Variants in GLI3 observed in about 807,000 individuals in gnomAD.
GLI3 encodes GLI family zinc finger 3.
GLI3 carries 20 observed loss-of-function variants against 100.8 expected under a neutral mutation model. The observed-to-expected ratio is 0.20, with a 90% CI of 0.14 to 0.29. GLI3 has a LOEUF of 0.29. Among genes scored for constraint, GLI3 ranks in the 10% least tolerant of loss-of-function variants. The pLI, the probability that GLI3 is intolerant of heterozygous loss-of-function variation, is 1.00. For synonymous variants in GLI3, 938 were observed against 860.5 expected (o/e 1.09, Z -1.58); for missense variants, 2,040 against 2,128.5 (o/e 0.96, Z 0.82).
rs1786996205 is a variant in GLI3, at chr7:41,960,963, AT to A, written c.*3366del. On this transcript the variant is annotated 3_prime_UTR_variant, in exon 15 of 15. Transcript: ENST00000395925. Reference sequence around the variant, plus strand: ...CCCAATAAAAATTTCCATACAAAGAATTTTTTATTGACATTGTAAGAAACAT... The same window carrying A: ...CCCAATAAAAATTTCCATACAAAGAATTTTTATTGACATTGTAAGAAACAT... The A allele has an allele frequency of 6.6e-6, 1 of 152,608 alleles. No homozygotes were observed. The highest frequency in any genetic ancestry group is 6.5e-5 in the Admixed American group (1 of 15,290). 9.5% of individuals were successfully genotyped at this position (152,608 alleles called of 1,614,324 possible). A position where few individuals can be genotyped will look rare whatever the true frequency, so the allele number is the denominator to read the frequency against.
chr7:42,233,655 AG>A (rs1224347749), intron 1 of GLI3, among the ~76,000 whole-genome samples: 1 of 152,242 alleles, frequency 6.6e-6, no homozygotes, highest in Non-Finnish European at 1.5e-5. Context: ...ATCAAATAAA[AG>A]TAAAGATGAA....
chr7:42,193,933 A>G (rs556692878), intron 2 of GLI3, among the ~76,000 whole-genome samples: 1 of 152,298 alleles, frequency 6.6e-6, no homozygotes, highest in Admixed American at 6.5e-5. Flanking sequence ...ATACCGCTAA[A>G]GCTCCCCTCC....
At chr7:42,240,378 G>A (rs1225446593), upstream of GLI3, among the ~76,000 whole-genome samples, 1 of 152,178 alleles carries the variant, frequency 6.6e-6, no homozygotes, top group Non-Finnish European at 1.5e-5. Flanking sequence ...TGGTAACAAA[G>A]TACCAAAAAC....
At chr7:42,114,441 A>G (rs1296063127) in intron 3 of GLI3, among the ~76,000 whole-genome samples, 4 of 101,058 alleles carry the variant, frequency 4.0e-5, no homozygotes, top group East Asian at 4.0e-4. Flanking sequence ...TTGGCTTGGG[A>G]AAAAAAAAAA....
chr7:42,011,112 G>A (rs1408323918), intron 10 of GLI3, among the ~76,000 whole-genome samples: 2 of 152,204 alleles, frequency 1.3e-5, no homozygotes, highest in African/African-American at 2.4e-5. Flanking sequence ...TTGTTTAGGG[G>A]AAATGTGGCC....
chr7:42,030,706 T>G lies in GLI3; in HGVS notation c.1029-4294A>C, dbSNP rs565138569. ...TACTATTGTTGATTTGTTTTTTTTT[T>G]TTTTGTTTTTTTGTTTCTTGTTTTT... On this transcript the variant is annotated intron_variant, in intron 7 of 14. Coordinates refer to ENST00000395925, the MANE Select transcript of GLI3 (RefSeq NM_000168.6). Among the ~76,000 whole-genome samples, 35 of 151,724 alleles carry G rather than the reference T, an allele frequency of 2.3e-4. 1 individual carries two copies. The highest frequency in any genetic ancestry group is 3.4e-3 in the Middle Eastern group (1 of 294).
intron 10 of GLI3, among the ~76,000 whole-genome samples, chr7:42,020,538 G>A (rs1020425311): frequency 3.9e-5 from 6 of 152,122 alleles, no homozygotes; most frequent in Admixed American, 3.9e-4. Context: ...AATGGGTCAC[G>A]GCTATAAATA....
chr7:42,165,435 A>T (rs577410767), intron 2 of GLI3, among the ~76,000 whole-genome samples: 26 of 152,260 alleles, frequency 1.7e-4, no homozygotes, highest in Admixed American at 1.5e-3. Flanking sequence ...TTTTTAAAAT[A>T]CCCCCTTAGA....
At chr7:42,177,463 G>A (rs950144868) in intron 2 of GLI3, among the ~76,000 whole-genome samples, 1 of 152,168 alleles carries the variant, frequency 6.6e-6, no homozygotes, top group African/African-American at 2.4e-5. Context: ...TTAAAGGTGA[G>A]GAAAATGAAG....
At chr7:42,241,419 T>TGCCA (rs1269217926), upstream of GLI3, among the ~76,000 whole-genome samples, 11 of 152,108 alleles carry the variant, frequency 7.2e-5, no homozygotes, top group Non-Finnish European at 1.5e-4. Context: ...GCACACACTT[T>TGCCA]GCCAGCCAGC....
chr7:42,041,355 T>G (rs1439260148), intron 6 of GLI3, among the ~76,000 whole-genome samples: 1 of 152,194 alleles, frequency 6.6e-6, no homozygotes, highest in Non-Finnish European at 1.5e-5. Flanking sequence ...CAATTTGCAT[T>G]CAAATTTGGT....
At chr7:42,186,710 C>A (rs1562777705) in intron 2 of GLI3, among the ~76,000 whole-genome samples, 1 of 152,206 alleles carries the variant, frequency 6.6e-6, no homozygotes. Context: ...CAAACATCAT[C>A]TTTGAAAATA....
intron 2 of GLI3, among the ~76,000 whole-genome samples, chr7:42,180,281 G>A (rs1311001259): frequency 6.6e-6 from 1 of 152,172 alleles, no homozygotes; most frequent in African/African-American, 2.4e-5. Flanking sequence ...GCAACCAGAG[G>A]ACCAACAGTG....
chr7:42,170,342 T>G (rs1026951255), intron 2 of GLI3, among the ~76,000 whole-genome samples: 7 of 150,046 alleles, frequency 4.7e-5, no homozygotes, highest in African/African-American at 1.7e-4. Flanking sequence ...AAATGTGTTT[T>G]TATCAGGGCT....
chr7:41,992,253 T>C (rs1399267029), intron 10 of GLI3, among the ~76,000 whole-genome samples: 1 of 152,188 alleles, frequency 6.6e-6, no homozygotes, highest in East Asian at 1.9e-4. Flanking sequence ...CATTATGGAA[T>C]AATTTGTGGG....
intron 13 of GLI3, among the ~76,000 whole-genome samples, chr7:41,969,118 C>T (rs78658830): frequency 0.035 from 5,309 of 152,248 alleles, 108 homozygotes; most frequent in Non-Finnish European, 0.053. Context: ...CAAGTTCCAG[C>T]GGTGTCCTGG....
intron 1 of GLI3, among the ~76,000 whole-genome samples, chr7:42,246,805 C>CTTTTTTTTTTTTTTTGTTTTTTT: frequency 1.1e-5 from 1 of 94,996 alleles, no homozygotes. Context: ...ATGATAGAAT[C>CTTTTTTTTTTTTTTTGTTTTTTT]TTTTTTTTTT....
At chr7:42,048,408 C>G in intron 5 of GLI3, 83 bp downstream of exon 5, 1 of 919,768 alleles carries the variant, frequency 1.1e-6, no homozygotes, top group Non-Finnish European at 1.8e-6. Context: ...CACTAAACAT[C>G]AGGTCTACTT....
At chr7:42,188,913 G>T (rs1052652582) in intron 2 of GLI3, among the ~76,000 whole-genome samples, 7 of 152,186 alleles carry the variant, frequency 4.6e-5, no homozygotes, top group Non-Finnish European at 8.8e-5. Flanking sequence ...TATAATGGCA[G>T]ATACACATCA....
Sources: allele counts gnomAD v4.1 joint callset (sites outside exome capture counted in the v4.1 genomes callset), GRCh38; gene constraint gnomAD v4.1.1; transcripts MANE v1.5; gene names NCBI Gene and HGNC (gene_info 2026-07-23, HGNC 2026-07-21).